Variants in KIAA1217 observed in about 807,000 individuals in gnomAD.
KIAA1217 encodes sickle tail protein homolog.
In KIAA1217, 88 loss-of-function variants were observed where a neutral mutation model predicts 163.9. That is an observed-to-expected ratio of 0.54 (90% CI 0.45 to 0.64). The LOEUF is 0.64. Among genes scored for constraint, KIAA1217 ranks in the 30% least tolerant of loss-of-function variants. KIAA1217 has a pLI of 0.00. For synonymous variants in KIAA1217, 903 were observed against 923.1 expected (o/e 0.98, Z 0.39); for missense variants, 2,372 against 2,475.0 (o/e 0.96, Z 0.88).
intron 1 of KIAA1217, among the ~76,000 whole-genome samples, chr10:23,828,973 A>G (rs1588901230): frequency 6.6e-6 from 1 of 152,328 alleles, no homozygotes; most frequent in East Asian, 1.9e-4. Context: ...AAAATGCCCC[A>G]GATTAAACAG....
upstream of KIAA1217, among the ~76,000 whole-genome samples, chr10:24,208,374 G>GGTGTGTGT (rs10539475): frequency 7.4e-5 from 11 of 148,950 alleles, no homozygotes; most frequent in East Asian, 2.0e-4. Flanking sequence ...TTAAGGGCTG[G>GGTGTGTGT]GTGTGTGTGT....
intron 2 of KIAA1217, among the ~76,000 whole-genome samples, chr10:24,136,206 T>C (rs2063825952): frequency 6.6e-6 from 1 of 152,128 alleles, no homozygotes; most frequent in African/African-American, 2.4e-5. Context: ...CTGTATGCTC[T>C]GGAGGTCTAT....
intron 10 of KIAA1217, among the ~76,000 whole-genome samples, chr10:24,519,770 TC>T (rs1015713623): frequency 2.6e-5 from 4 of 152,170 alleles, no homozygotes; most frequent in Admixed American, 2.6e-4. Context: ...TCTCTCTTTC[TC>T]CCTCTCTCTC....
intron 1 of KIAA1217, among the ~76,000 whole-genome samples, chr10:23,737,231 C>A (rs952111926): frequency 6.6e-6 from 1 of 152,094 alleles, no homozygotes; most frequent in African/African-American, 2.4e-5. Context: ...GACGGAGTCT[C>A]GCTCTGTCAT....
At chr10:24,091,913 C>T (rs1340712192) in intron 2 of KIAA1217, among the ~76,000 whole-genome samples, 1 of 151,794 alleles carries the variant, frequency 6.6e-6, no homozygotes, top group African/African-American at 2.4e-5. Context: ...AACTTGTCTT[C>T]TGCCATCCCC....
chr10:24,224,788 G>A (rs987708891), intron 2 of KIAA1217, among the ~76,000 whole-genome samples: 1 of 150,192 alleles, frequency 6.7e-6, no homozygotes, highest in Admixed American at 6.6e-5. Context: ...AGTCTCAGAG[G>A]CTCTTATTTT....
chr10:23,744,841 G>T (rs576665782), intron 1 of KIAA1217, among the ~76,000 whole-genome samples: 1 of 152,196 alleles, frequency 6.6e-6, no homozygotes, highest in African/African-American at 2.4e-5. Flanking sequence ...AACCAATGTT[G>T]TAGTTTAGGT....
At chr10:23,719,009 A>T (rs1459595452) in intron 1 of KIAA1217, among the ~76,000 whole-genome samples, 1 of 152,238 alleles carries the variant, frequency 6.6e-6, no homozygotes, top group Non-Finnish European at 1.5e-5. Flanking sequence ...AAGCATCCTT[A>T]AACATGGTAT....
chr10:24,238,909 C>G (rs1204848989), intron 2 of KIAA1217, among the ~76,000 whole-genome samples: 1 of 152,152 alleles, frequency 6.6e-6, no homozygotes, highest in South Asian at 2.1e-4. Flanking sequence ...ATGAAGCCAT[C>G]GTTCCCGGCT....
chr10:23,740,068 C>CTTTTGAG (rs71506815), intron 1 of KIAA1217, among the ~76,000 whole-genome samples: 4 of 151,538 alleles, frequency 2.6e-5, no homozygotes, highest in African/African-American at 7.3e-5. Flanking sequence ...TTTGAGATGC[C>CTTTTGAG]TATGTAAGTG....
intron 2 of KIAA1217, among the ~76,000 whole-genome samples, chr10:24,268,316 C>T (rs2076429305): frequency 1.3e-5 from 2 of 152,276 alleles, no homozygotes. Context: ...TATTTTCTCC[C>T]TGCCTGTTAA....
At chr10:23,727,089 G>A (rs1301778376) in intron 1 of KIAA1217, among the ~76,000 whole-genome samples, 7 of 140,562 alleles carry the variant, frequency 5.0e-5, no homozygotes, top group Admixed American at 3.8e-4. Context: ...CCAGGTTCAC[G>A]CCATTCTCCT....
Position 24,508,015 on chromosome 10 carries a change from A to G in KIAA1217, c.2002-5244A>G, listed in dbSNP as rs558371222. 9.2e-5 allele frequency among the ~76,000 whole-genome samples: 14 copies of G among 152,302 alleles called. 1 individual carries two copies. The East Asian group carries it at 2.7e-3, about 29-fold the overall frequency. On this transcript the variant is annotated intron_variant, in intron 9 of 20. Transcript: ENST00000376454. The stretch of plus-strand genomic sequence containing the variant: ...TTCAGAAAACAGAGAATACTTCCTA[A>G]CTCATTTTATGAAGCCTGCATTACC...
intron 12 of KIAA1217, among the ~76,000 whole-genome samples, chr10:24,523,127 G>A (rs1459038113): frequency 6.6e-6 from 1 of 152,150 alleles, no homozygotes; most frequent in Non-Finnish European, 1.5e-5. Context: ...ACTCCAGCCT[G>A]GGTGACAGAG....
chr10:24,349,132 C>CAAAAAAA (rs11318554), intron 2 of KIAA1217, among the ~76,000 whole-genome samples: 1 of 105,548 alleles, frequency 9.5e-6, no homozygotes. Flanking sequence ...GACCCTGTCT[C>CAAAAAAA]AAAAAAAAAA....
intron 1 of KIAA1217, among the ~76,000 whole-genome samples, chr10:23,935,848 T>G (rs10828574): frequency 0.43 from 64,793 of 152,070 alleles, 16,971 homozygotes; most frequent in African/African-American, 0.74. Context: ...TTTTCTAGAA[T>G]AACTGAAGCC....
chr10:23,927,017 C>T (rs1024286366), intron 1 of KIAA1217, among the ~76,000 whole-genome samples: 58 of 152,132 alleles, frequency 3.8e-4, no homozygotes, highest in African/African-American at 1.2e-3. Flanking sequence ...AAGCAATCCT[C>T]CCACCTCAGC....
At chr10:23,764,706 A>G (rs927356129) in intron 1 of KIAA1217, among the ~76,000 whole-genome samples, 15 of 151,978 alleles carry the variant, frequency 9.9e-5, no homozygotes, top group African/African-American at 3.6e-4. Flanking sequence ...AGAAAACCAA[A>G]CACCACATGT....
intron 2 of KIAA1217, among the ~76,000 whole-genome samples, chr10:24,257,093 C>G (rs1441162093): frequency 6.6e-6 from 1 of 152,102 alleles, no homozygotes; most frequent in African/African-American, 2.4e-5. Flanking sequence ...GGTAAGGAAA[C>G]CCATGGCCAT....
Sources: allele counts gnomAD v4.1 joint callset (sites outside exome capture counted in the v4.1 genomes callset), GRCh38; gene constraint gnomAD v4.1.1; transcripts MANE v1.5; gene names NCBI Gene and HGNC (gene_info 2026-07-23, HGNC 2026-07-21).